Variants in CADPS observed in about 807,000 individuals in gnomAD.
The protein encoded by CADPS is calcium-dependent secretion activator 1.
A neutral mutation model predicts 167.3 loss-of-function variants in CADPS; 57 were observed. The observed-to-expected ratio is 0.34, with a 90% confidence interval of 0.28 to 0.42. The LOEUF (loss-of-function observed/expected upper bound fraction) is 0.42. Ranked by LOEUF, CADPS falls within the 20% of genes least tolerant of loss-of-function variation. CADPS has a pLI of 1.00. For synonymous variants in CADPS, 676 were observed against 635.3 expected, an observed-to-expected ratio of 1.06 and a Z score of -0.96; for missense variants, 1,414 against 1,738.1, an observed-to-expected ratio of 0.81 and a Z score of 3.32.
At chr3:62,506,834 G>A (rs1383810525) in intron 17 of CADPS, among the ~76,000 whole-genome samples, 1 of 152,194 alleles carries the variant, frequency 6.6e-6, no homozygotes, top group South Asian at 2.1e-4. Context: ...TGCTTGGAGA[G>A]GAATGCTCTT....
chr3:62,588,324 C>A (rs1483153013), intron 7 of CADPS, among the ~76,000 whole-genome samples: 1 of 137,820 alleles, frequency 7.3e-6, no homozygotes, highest in African/African-American at 2.6e-5. Context: ...CCTAGCAGAA[C>A]ACTTCCCACA....
rs1245420674 is a variant in CADPS at position 62,478,560 on chromosome 3, A to C, written c.3174-144T>G. 6 of 717,096 alleles carry C rather than the reference A, an allele frequency of 8.4e-6. No homozygotes were observed. Among genetic ancestry groups the C allele is most frequent in the Non-Finnish European group, 1.1e-5 (5 of 438,692 alleles). The allele number at this position is 717,096 out of a possible 1,614,324, so 44.4% of individuals were successfully genotyped here. A position where few individuals can be genotyped will look rare whatever the true frequency, so the allele number is the denominator to read the frequency against. On this transcript the variant is annotated intron_variant, in intron 22 of 29. Coordinates refer to ENST00000383710, the MANE Select transcript of CADPS (RefSeq NM_003716.4). The surrounding 1 kb of genome is among the most constrained non-coding windows in gnomAD (Gnocchi z 5.7). ...TGTGTTGGCGGTGGAGGCGGGGGCG[A>C]GTCTCCACCGGCAGATTTTGAGTTT...
intron 26 of CADPS, among the ~76,000 whole-genome samples, chr3:62,447,088 G>A (rs1409331208): frequency 6.6e-6 from 1 of 152,138 alleles, no homozygotes; most frequent in Non-Finnish European, 1.5e-5. Flanking sequence ...AACCAATAGG[G>A]TGGGGTGGAA....
rs74799138 is a variant in CADPS at position 62,486,012 on chromosome 3, C to T, written c.3027-4143G>A. 3.6e-3 allele frequency among the ~76,000 whole-genome samples: 544 copies of T among 152,230 alleles called. 3 individuals are homozygous for T. Among genetic ancestry groups the T allele is most frequent in the African/African-American group, 0.012 (519 of 41,542 alleles). On this transcript the variant is annotated intron_variant, in intron 21 of 29. Coordinates refer to ENST00000383710, the MANE Select transcript of CADPS (RefSeq NM_003716.4). ...CATTACTTGTCTATTTGACACCAGGCCACCTGCATATTGCTAAGGTGTCTT... is the reference window on the plus strand; with the variant it reads ...CATTACTTGTCTATTTGACACCAGGTCACCTGCATATTGCTAAGGTGTCTT...
chr3:62,528,780 T>C (rs956963020), intron 13 of CADPS, among the ~76,000 whole-genome samples: 2 of 152,196 alleles, frequency 1.3e-5, no homozygotes, highest in Non-Finnish European at 2.9e-5. Context: ...CTAGGTTTGC[T>C]ACTTAAATTT....
chr3:62,626,280 A>T, intron 6 of CADPS: 1 of 398,038 alleles, frequency 2.5e-6, no homozygotes, highest in Non-Finnish European at 4.4e-6. Flanking sequence ...TTGAGTGTTC[A>T]CATTCAACAA....
chr3:62,643,710 G>A (rs187830171), intron 6 of CADPS, among the ~76,000 whole-genome samples: 1 of 152,204 alleles, frequency 6.6e-6, no homozygotes, highest in African/African-American at 2.4e-5. Context: ...ACAACAGTCT[G>A]TTAGAATAAT....
Position 62,465,486 on chromosome 3 carries a change from C to A in CADPS, c.3553-36G>T, listed in dbSNP as rs955821270. 7.0e-6 allele frequency: 10 copies of A among 1,430,604 alleles called. No individual in the cohort carries two copies. The highest frequency in any genetic ancestry group is 9.8e-6 in the Non-Finnish European group (10 of 1,023,068). The allele number at this position is 1,430,604 out of a possible 1,614,324, so 88.6% of individuals were successfully genotyped here. On this transcript the variant is annotated intron_variant, in intron 25 of 29. Coordinates refer to ENST00000383710, the MANE Select transcript of CADPS (RefSeq NM_003716.4). The surrounding 1 kb of genome is among the most constrained non-coding windows in gnomAD (Gnocchi z 4.1). ...AGCAAAAAAGAAAAAAATGTTATTT[C>A]AAACTATAATTGTTCACCATAAAGC...
chr3:62,602,129 T>C lies in CADPS; in HGVS notation c.1326-9381A>G, dbSNP rs1366580489. ...CACATAGGGAATATACCTCCCAAAA[T>C]GACAGTAAACATCCACTGCAAACCT... On this transcript the variant is annotated intron_variant, in intron 6 of 29. Transcript: ENST00000383710. This position sits in a 1 kb window ranked among gnomAD's most constrained non-coding sequence, Gnocchi z 4.4. Among the ~76,000 whole-genome samples, 1 of 152,122 alleles carries C rather than the reference T, an allele frequency of 6.6e-6. No homozygotes were observed. The highest frequency in any genetic ancestry group is 1.5e-5 in the Non-Finnish European group (1 of 68,022).
At chr3:62,529,327 C>T (rs967961213) in intron 13 of CADPS, among the ~76,000 whole-genome samples, 26 of 152,276 alleles carry the variant, frequency 1.7e-4, no homozygotes, top group African/African-American at 6.3e-4. Flanking sequence ...GTTAGTTTTT[C>T]GTGGCCTAAG....
intron 1 of CADPS, among the ~76,000 whole-genome samples, chr3:62,811,625 T>C (rs1352788721): frequency 1.3e-5 from 2 of 152,324 alleles, no homozygotes; most frequent in East Asian, 3.9e-4. Flanking sequence ...CTCTTCCTTC[T>C]CTGACAGGTG....
At chr3:62,854,025 TTGG>T (rs773077368) in intron 1 of CADPS, among the ~76,000 whole-genome samples, 2 of 152,174 alleles carry the variant, frequency 1.3e-5, no homozygotes, top group East Asian at 1.9e-4. Context: ...TTCTCTCATG[TTGG>T]TGTCATTTCA....
chr3:62,457,704 G>A (rs1464533204), intron 26 of CADPS, among the ~76,000 whole-genome samples: 2 of 152,170 alleles, frequency 1.3e-5, no homozygotes, highest in Non-Finnish European at 2.9e-5. Flanking sequence ...ATCAATGATA[G>A]AGTGGATAAA....
intron 9 of CADPS, among the ~76,000 whole-genome samples, chr3:62,562,027 G>A (rs1336548593): frequency 6.6e-6 from 1 of 152,178 alleles, no homozygotes; most frequent in South Asian, 2.1e-4. Context: ...TAGCATGAAG[G>A]TAGACATTAA....
intron 3 of CADPS, among the ~76,000 whole-genome samples, chr3:62,734,934 A>G (rs1341659779): frequency 6.6e-6 from 1 of 152,156 alleles, no homozygotes; most frequent in Admixed American, 6.6e-5. Context: ...TAAAATAGTT[A>G]CTTATATTCT....
At chr3:62,840,415 G>A (rs1380112900) in intron 1 of CADPS, among the ~76,000 whole-genome samples, 1 of 152,126 alleles carries the variant, frequency 6.6e-6, no homozygotes, top group Non-Finnish European at 1.5e-5. Flanking sequence ...TTATAGCTCT[G>A]AAATACATGG....
chr3:62,724,049 C>A (rs956966107), intron 3 of CADPS, among the ~76,000 whole-genome samples: 5 of 152,224 alleles, frequency 3.3e-5, no homozygotes, highest in Non-Finnish European at 5.9e-5. Context: ...TGGGCGCCAG[C>A]TGTTTCCCTG....
rs1262384034 is a variant in CADPS, at chr3:62,602,481, A to G, written c.1326-9733T>C. ...TGCCGTGGTCCTGTTGCTAAGAAGG[A>G]AAGTTAATAATTGCCTGGAGACAGC... is the stretch of plus-strand genomic sequence containing the variant. On this transcript the variant is annotated intron_variant, in intron 6 of 29. Transcript: ENST00000383710. The surrounding 1 kb of genome is among the most constrained non-coding windows in gnomAD (Gnocchi z 4.4). 6.6e-6 allele frequency among the ~76,000 whole-genome samples: 1 copy of G among 152,148 alleles called. No individual in the cohort carries two copies. The highest frequency in any genetic ancestry group is 1.5e-5 in the Non-Finnish European group (1 of 68,034).
chr3:62,495,594 G>T (rs926480513), intron 18 of CADPS, among the ~76,000 whole-genome samples: 15 of 152,178 alleles, frequency 9.9e-5, no homozygotes, highest in African/African-American at 3.6e-4. Context: ...AGACAAAGAT[G>T]TGTGCTTTAG....
Sources: gnomAD v4.1 joint callset for allele counts (sites outside exome capture counted in the v4.1 genomes callset) on GRCh38, gnomAD v4.1.1 for gene constraint, Gnocchi (gnomAD v3.1) non-coding constraint, MANE v1.5 for transcripts, NCBI Gene and HGNC (gene_info 2026-07-23, HGNC 2026-07-21) for gene names.